The following APOBEC3G variants were observed in gnomAD, a reference collection of about 807,000 sequenced individuals.
APOBEC3G encodes DNA dC->dU-editing enzyme APOBEC-3G.
A neutral mutation model predicts 50.0 loss-of-function variants in APOBEC3G; 44 were observed. That is an observed-to-expected ratio of 0.88 (90% CI 0.69 to 1.13). The LOEUF is 1.13. Ranked by LOEUF, APOBEC3G falls within the 50% of genes most tolerant of loss-of-function variation. APOBEC3G has a pLI of 0.00. For synonymous variants in APOBEC3G, 156 were observed against 175.3 expected (o/e 0.89, Z 0.87); for missense variants, 469 against 492.0 (o/e 0.95, Z 0.44).
At chr22:39,080,668 C>CAGCAGTGGCACCCACAAAGG in intron 2 of APOBEC3G, 1 of 486,940 alleles carries the variant, frequency 2.1e-6, no homozygotes, top group Non-Finnish European at 3.7e-6. Flanking sequence ...TGAATAACCA[C>CAGCAGTGGCACCCACAAAGG]AGCAGTGGCA....
chr22:39,079,249 G>T, intron 2 of APOBEC3G, 164 bp downstream of exon 2: 1 of 1,012,002 alleles, frequency 9.9e-7, no homozygotes, highest in South Asian at 1.8e-5. Context: ...ACCGTCCTGG[G>T]ATCGGATCGT....
rs1431847839 is a variant in APOBEC3G, at chr22:39,083,818, G to C, written c.669G>C (p.Glu223Asp). 50 of 1,614,060 alleles carry C rather than the reference G, an allele frequency of 3.1e-5. No homozygotes were observed. Among genetic ancestry groups the C allele is most frequent in the Non-Finnish European group, 4.2e-5 (49 of 1,179,950 alleles). ...RGRHETYLCY[E>D]VERMHNDTWV... is the part of the protein sequence containing the mutation. ...GGCATGAGACTTACCTGTGTTATGA[G>C]GTGGAGCGCATGCACAATGACACCT... Residue 223 changes from glutamate (E) to aspartate (D), a missense_variant, in exon 5 of 8, where the codon GAG becomes GAC. Physicochemically the swap from Glu to Asp is conservative, Grantham distance 45. Transcript: ENST00000407997.
In APOBEC3G at chr22:39,086,994, C is replaced by G. The variant is rs1470234561; in HGVS notation, c.1025-17C>G. 5.0e-6 allele frequency: 8 copies of G among 1,591,480 alleles called. No individual in the cohort carries two copies. The African/African-American group carries it at 1.1e-4, about 21-fold the overall frequency. ...CCCACAGCGGGAGTGTGACTTATCTCCCCTGTCCCTTTTCAGAATTTAAGC... is the reference window on the plus strand; with the variant it reads ...CCCACAGCGGGAGTGTGACTTATCTGCCCTGTCCCTTTTCAGAATTTAAGC... On this transcript the variant is annotated splice_polypyrimidine_tract_variant and intron_variant, in intron 6 of 7. Coordinates refer to ENST00000407997, the MANE Select transcript of APOBEC3G (RefSeq NM_021822.4).
intron 5 of APOBEC3G, among the ~76,000 whole-genome samples, chr22:39,084,264 C>T (rs1036316059): frequency 1.3e-5 from 2 of 152,180 alleles, no homozygotes; most frequent in African/African-American, 4.8e-5. Flanking sequence ...CACGGTGGCT[C>T]ATGCCTGTAA....
chr22:39,078,617 T>C (rs1928275506), intron 1 of APOBEC3G: 2 of 256,924 alleles, frequency 7.8e-6, no homozygotes, highest in East Asian at 1.7e-4. Context: ...CTACCATGAT[T>C]TAACAATAAT....
rs1323315229 is a variant in APOBEC3G at position 39,077,298 on chromosome 22, T to A, written c.-64T>A. ...GAGGGCTGTCCTAAAACCAGAAGCTTGGAGCAGAAAGTGAAACCCTGGTGC... is the reference window on the plus strand; with the variant it reads ...GAGGGCTGTCCTAAAACCAGAAGCTAGGAGCAGAAAGTGAAACCCTGGTGC... On this transcript the variant is annotated 5_prime_UTR_variant, in exon 1 of 8. Coordinates refer to ENST00000407997, the MANE Select transcript of APOBEC3G (RefSeq NM_021822.4). 1.9e-6 allele frequency: 3 copies of A among 1,554,140 alleles called. No homozygotes were observed. The highest frequency in any genetic ancestry group is 2.6e-6 in the Non-Finnish European group (3 of 1,148,124).
intron 5 of APOBEC3G, among the ~76,000 whole-genome samples, chr22:39,086,030 C>G (rs561608057): frequency 1.5e-4 from 22 of 146,696 alleles, no homozygotes; most frequent in African/African-American, 5.3e-4. Context: ...CTCGGCCGGG[C>G]GCTGTGGCTC....
chr22:39,081,753 T>G, intron 4 of APOBEC3G, 168 bp downstream of exon 4: 1 of 593,976 alleles, frequency 1.7e-6, no homozygotes, highest in Non-Finnish European at 3.0e-6. Context: ...ACACTCCTCG[T>G]GCTCCCTCCA....
chr22:39,078,858 G>A (rs1261925723), intron 1 of APOBEC3G, 74 bp from the exon 2 acceptor site: 3 of 1,585,136 alleles, frequency 1.9e-6, no homozygotes, highest in East Asian at 4.5e-5. Context: ...AGGGGGCTGT[G>A]TTTAGTGGAC....
chr22:39,077,488 C>A, intron 1 of APOBEC3G, 110 bp downstream of exon 1: 7 of 1,529,498 alleles, frequency 4.6e-6, no homozygotes, highest in Non-Finnish European at 6.2e-6. Flanking sequence ...GCCCTGGGCT[C>A]CCTCCCCTCT....
At chr22:39,084,557 C>T (rs1453890998) in intron 5 of APOBEC3G, among the ~76,000 whole-genome samples, 1 of 152,046 alleles carries the variant, frequency 6.6e-6, no homozygotes, top group East Asian at 1.9e-4. Flanking sequence ...TCCTGAGGAC[C>T]CTCCCAGGAT....
At position 39,080,857 on chromosome 22, in the gene APOBEC3G, C is replaced by T. The variant is rs1048275662; in HGVS notation, c.172-76C>T. ...ATCTCCTGGACTCCTGTCCTGGCCC[C>T]TCCTCCCCCTGCCCCACCCCTGCTC... On this transcript the variant is annotated intron_variant, in intron 2 of 7. Transcript: ENST00000407997. The T allele has an allele frequency of 1.2e-5, 15 of 1,264,260 alleles. 1 individual carries two copies. Among genetic ancestry groups the T allele is most frequent in the East Asian group, 5.0e-5 (2 of 39,962 alleles). The allele number at this position is 1,264,260 out of a possible 1,614,324, so 78.3% of individuals were successfully genotyped here.
Position 39,078,943 on chromosome 22 carries a change from A to T in APOBEC3G, c.29A>T (p.Glu10Val). The change falls in exon 2 of 8, where the codon GAG becomes GTG. Residue 10 changes from glutamate (E) to valine (V), a missense_variant. Glu to Val is a moderately radical substitution (Grantham distance 121, BLOSUM62 -2). Coordinates refer to ENST00000407997, the MANE Select transcript of APOBEC3G (RefSeq NM_021822.4). ...TCTTGTGTCTTCAGAAACACAGTGG[A>T]GCGAATGTATCGAGACACATTCTCC... MKPHFRNTVERMYRDTFSYN... is the reference protein window; with the variant it reads MKPHFRNTVVRMYRDTFSYN... 1.2e-6 allele frequency: 2 copies of T among 1,613,902 alleles called. No individual in the cohort carries two copies. Among genetic ancestry groups the T allele is most frequent in the Non-Finnish European group, 1.7e-6 (2 of 1,179,838 alleles).
At chr22:39,086,826 A>G (rs1291009331) in intron 6 of APOBEC3G, among the ~76,000 whole-genome samples, 185 bp from the exon 7 acceptor site, 1 of 152,054 alleles carries the variant, frequency 6.6e-6, no homozygotes, top group African/African-American at 2.4e-5. Context: ...AAAAATGAGA[A>G]CTGGGCTGGC....
Position 39,083,712 on chromosome 22 carries a change from C to G in APOBEC3G, c.582-19C>G. ...CCAGGAGGGCTCTTACTCCTCTGGG[C>G]TTTTCCCCCACTTTCCAGACACTCG... On this transcript the variant is annotated intron_variant, in intron 4 of 7. Transcript: ENST00000407997. The G allele has an allele frequency of 6.2e-7, 1 of 1,612,380 alleles. No homozygotes were observed. Among genetic ancestry groups the G allele is most frequent in the Non-Finnish European group, 8.5e-7 (1 of 1,178,990 alleles).
In APOBEC3G at chr22:39,087,282, C is replaced by A. The variant is rs752179957; in HGVS notation, c.1141-125C>A. Reference sequence around the variant, plus strand: ...CCTCCCTTTCCTTCTCACAGCCTCCCTTTCTCTCCCACCTCCCACATCCCT... The same window carrying A: ...CCTCCCTTTCCTTCTCACAGCCTCCATTTCTCTCCCACCTCCCACATCCCT... On this transcript the variant is annotated intron_variant, in intron 7 of 7. Coordinates refer to ENST00000407997, the MANE Select transcript of APOBEC3G (RefSeq NM_021822.4). 282 of 1,597,982 alleles carry A rather than the reference C, an allele frequency of 1.8e-4. 2 individuals are homozygous for A. The Middle Eastern group carries it at 3.0e-3, about 17-fold the overall frequency.
At chr22:39,084,128 C>A (rs913903884) in intron 5 of APOBEC3G, among the ~76,000 whole-genome samples, 3 of 152,172 alleles carry the variant, frequency 2.0e-5, no homozygotes, top group Non-Finnish European at 4.4e-5. Context: ...ACCACTAGTC[C>A]AGAGTCACCC....
At position 39,078,989 on chromosome 22, in the gene APOBEC3G, C is replaced by T; in HGVS notation, c.75C>T (p.Pro25=). 6.2e-7 allele frequency: 1 copy of T among 1,614,212 alleles called. No homozygotes were observed. The highest frequency in any genetic ancestry group is 8.5e-7 in the Non-Finnish European group (1 of 1,180,032). ...DTFSYNFYNR[P]ILSRRNTVWL... ...TCTCCTACAACTTTTATAATAGACC[C>T]ATCCTTTCTCGTCGGAATACCGTCT... Residue 25 remains proline (P), a synonymous_variant, in exon 2 of 8, where the codon CCC becomes CCT. Coordinates refer to ENST00000407997, the MANE Select transcript of APOBEC3G (RefSeq NM_021822.4).
intron 7 of APOBEC3G, 48 bp downstream of exon 7, chr22:39,087,174 TC>T: frequency 6.2e-7 from 1 of 1,610,360 alleles, no homozygotes; most frequent in Non-Finnish European, 8.5e-7. Flanking sequence ...CTCCCCCTCC[TC>T]CCCTCTCCCC....
Sources: gnomAD v4.1 joint callset for allele counts (sites outside exome capture counted in the v4.1 genomes callset) on GRCh38, gnomAD v4.1.1 for gene constraint, MANE v1.5 for transcripts, NCBI Gene and HGNC (gene_info 2026-07-23, HGNC 2026-07-21) for gene names.